Variants in UXS1 observed in about 807,000 individuals in gnomAD.
UXS1 encodes the protein UDP-glucuronate decarboxylase 1, also known as UDP-glucuronic acid decarboxylase 1.
A neutral mutation model predicts 62.6 loss-of-function variants in UXS1; 33 were observed. The observed-to-expected ratio is 0.53, with a 90% CI of 0.40 to 0.70. The LOEUF is 0.70. Among genes scored for constraint, UXS1 ranks in the 30% least tolerant of loss-of-function variants. The probability of loss-of-function intolerance (pLI) is 0.00; values close to 1 mark genes in which losing one functional copy is unlikely to be tolerated. For synonymous variants in UXS1, 213 were observed against 206.8 expected, an observed-to-expected ratio of 1.03 and a Z score of -0.26; for missense variants, 434 against 556.3, an observed-to-expected ratio of 0.78 and a Z score of 2.21.
At chr2:106,187,535 G>A (rs542139333) in intron 1 of UXS1, among the ~76,000 whole-genome samples, 2 of 152,240 alleles carry the variant, frequency 1.3e-5, no homozygotes, top group South Asian at 4.1e-4. Context: ...CAACCTCAGG[G>A]AAGTTTGAAG....
intron 5 of UXS1, among the ~76,000 whole-genome samples, chr2:106,151,978 G>A (rs1414070330): frequency 1.3e-5 from 2 of 152,202 alleles, no homozygotes; most frequent in African/African-American, 4.8e-5. Context: ...CCTAGGTGAT[G>A]GGTAAAAGAA....
At position 106,105,677 on chromosome 2, in the gene UXS1, G is replaced by A. The variant is rs570365610; in HGVS notation, c.880-840C>T. On this transcript the variant is annotated intron_variant, in intron 10 of 14. Coordinates refer to ENST00000283148, the MANE Select transcript of UXS1 (RefSeq NM_001253875.2). Reference sequence around the variant, plus strand: ...GCCCTGCTGGAGCCCAGCACGATGTGAGGTGCGATACCAGCATGGGATGAG... The same window carrying A: ...GCCCTGCTGGAGCCCAGCACGATGTAAGGTGCGATACCAGCATGGGATGAG... 5.2e-4 allele frequency among the ~76,000 whole-genome samples: 79 copies of A among 152,338 alleles called. 1 individual carries two copies. In the South Asian group the frequency reaches 0.01, roughly 20 times the overall value.
intron 5 of UXS1, among the ~76,000 whole-genome samples, chr2:106,147,740 A>G (rs1277532809): frequency 1.3e-5 from 2 of 152,212 alleles, no homozygotes; most frequent in African/African-American, 4.8e-5. Context: ...GTATAAAACT[A>G]AACTAATCCG....
rs561686700 is a variant in UXS1, at chr2:106,097,343, TCCTTGCTGGG to T, written c.1043-532_1043-523del. The T allele has an allele frequency of 7.7e-4, 305 of 397,630 alleles. 7 individuals carry two copies. Among genetic ancestry groups the T allele is most frequent in the South Asian group, 5.4e-3 (302 of 55,622 alleles). 24.6% of individuals were successfully genotyped at this position (397,630 alleles called of 1,614,324 possible). ...ACGGCAAAGGCTGGCCTGTTCCACA[TCCTTGCTGGG>T]CCCAGGCCCCACTGGCCAGCAGTAC... On this transcript the variant is annotated intron_variant, in intron 13 of 14. Coordinates refer to ENST00000283148, the MANE Select transcript of UXS1 (RefSeq NM_001253875.2).
At chr2:106,192,818 T>C (rs1314820948) in intron 1 of UXS1, among the ~76,000 whole-genome samples, 1 of 152,170 alleles carries the variant, frequency 6.6e-6, no homozygotes, top group Non-Finnish European at 1.5e-5. Flanking sequence ...ATAGTACCGA[T>C]TTCCCAGGGT....
intron 5 of UXS1, among the ~76,000 whole-genome samples, chr2:106,157,155 GC>G (rs1682504155): frequency 6.6e-6 from 1 of 152,068 alleles, no homozygotes; most frequent in South Asian, 2.1e-4. Flanking sequence ...CTTGGGGGGG[GC>G]CTACAATTGG....
chr2:106,116,092 G>A (rs1558690655), intron 9 of UXS1, among the ~76,000 whole-genome samples: 1 of 152,164 alleles, frequency 6.6e-6, no homozygotes, highest in African/African-American at 2.4e-5. Flanking sequence ...CCTGAGACGT[G>A]GAGCCAACTA....
At chr2:106,114,958 T>C (rs1405552690) in intron 9 of UXS1, among the ~76,000 whole-genome samples, 1 of 152,224 alleles carries the variant, frequency 6.6e-6, no homozygotes, top group South Asian at 2.1e-4. Flanking sequence ...GGAGTTTGTA[T>C]GCCCATCTAT....
chr2:106,161,549 A>G (rs1383764208), intron 4 of UXS1, among the ~76,000 whole-genome samples: 1 of 152,176 alleles, frequency 6.6e-6, no homozygotes, highest in South Asian at 2.1e-4. Context: ...TGCATTCCTA[A>G]GCGAGAGAGA....
chr2:106,180,761 T>C (rs1047866829), intron 1 of UXS1, among the ~76,000 whole-genome samples: 3 of 152,176 alleles, frequency 2.0e-5, no homozygotes, highest in African/African-American at 7.2e-5. Flanking sequence ...AGACCACTTC[T>C]GAACTCCAGA....
At chr2:106,141,134 A>G (rs1681063565) in intron 6 of UXS1, among the ~76,000 whole-genome samples, 1 of 152,256 alleles carries the variant, frequency 6.6e-6, no homozygotes, top group Non-Finnish European at 1.5e-5. Flanking sequence ...GCTAACAAGT[A>G]ATGCTGAAGG....
At chr2:106,138,426 G>C (rs1464150907) in intron 6 of UXS1, 1 of 985,338 alleles carries the variant, frequency 1.0e-6, no homozygotes, top group Non-Finnish European at 1.2e-6. Flanking sequence ...GTGGACTCTA[G>C]AGGGAGGGGA....
chr2:106,172,275 C>G (rs1454924496), intron 1 of UXS1, among the ~76,000 whole-genome samples: 2 of 152,136 alleles, frequency 1.3e-5, no homozygotes, highest in African/African-American at 4.8e-5. Context: ...GCCCCCATTC[C>G]TGCAATAAAA....
At chr2:106,162,122 C>T (rs995474946) in intron 4 of UXS1, among the ~76,000 whole-genome samples, 6 of 152,106 alleles carry the variant, frequency 3.9e-5, no homozygotes, top group Non-Finnish European at 7.4e-5. Flanking sequence ...TGCAGGCACG[C>T]GGATCACCTG....
rs907454057 is a variant in UXS1, at chr2:106,177,600, G to A, written c.95-11517C>T. ...ATACTTTTGTATTACTTTAATTTCC[G>A]CAAATCACAAGAAGAAACTTTTGAA... On this transcript the variant is annotated intron_variant, in intron 1 of 14. Coordinates refer to ENST00000283148, the MANE Select transcript of UXS1 (RefSeq NM_001253875.2). Among the ~76,000 whole-genome samples, 5 of 152,248 alleles carry A rather than the reference G, an allele frequency of 3.3e-5. No individual in the cohort carries two copies. In the South Asian group the frequency reaches 6.2e-4, roughly 19 times the overall value.
intron 4 of UXS1, among the ~76,000 whole-genome samples, chr2:106,162,377 C>G (rs746700741): frequency 3.3e-5 from 5 of 152,118 alleles, no homozygotes; most frequent in African/African-American, 4.8e-5. Context: ...GTTGAGAGCT[C>G]TTGTTTGTAA....
At chr2:106,166,352 G>A in intron 1 of UXS1, 2 of 324,526 alleles carry the variant, frequency 6.2e-6, no homozygotes, top group South Asian at 8.1e-5. Context: ...GCTCCCATCA[G>A]CAGCAGTGAC....
At chr2:106,157,814 A>G (rs1167756379) in intron 5 of UXS1, among the ~76,000 whole-genome samples, 3 of 152,198 alleles carry the variant, frequency 2.0e-5, no homozygotes, top group Non-Finnish European at 4.4e-5. Flanking sequence ...GAGTAGTTTT[A>G]GTGGTTTCCC....
At chr2:106,166,005 A>G (rs1683188547) in intron 2 of UXS1, 51 bp downstream of exon 2, 1 of 1,562,930 alleles carries the variant, frequency 6.4e-7, no homozygotes, top group Admixed American at 1.8e-5. Context: ...TACCAACTGA[A>G]ATGTGTCTAT....
Sources: gnomAD v4.1 joint callset for allele counts (sites outside exome capture counted in the v4.1 genomes callset) on GRCh38, gnomAD v4.1.1 for gene constraint, MANE v1.5 for transcripts, NCBI Gene and HGNC (gene_info 2026-07-23, HGNC 2026-07-21) for gene names.